TFDP2: variants seen among roughly 807,000 people sequenced by gnomAD.
TFDP2 encodes the protein transcription factor Dp-2, also known as transcription factor Dp-2 (E2F dimerization partner 2).
TFDP2 carries 17 observed loss-of-function variants against 59.3 expected under a neutral mutation model. The observed-to-expected ratio is 0.29, with a 90% CI of 0.20 to 0.43. TFDP2 has a LOEUF of 0.43. Ranked by LOEUF, TFDP2 falls within the 20% of genes least tolerant of loss-of-function variation. The probability of loss-of-function intolerance (pLI) is 1.00; values close to 1 mark genes in which losing one functional copy is unlikely to be tolerated. For synonymous variants in TFDP2, 180 were observed against 194.7 expected (o/e 0.92, Z 0.63); for missense variants, 391 against 528.8 (o/e 0.74, Z 2.56).
intron 3 of TFDP2, among the ~76,000 whole-genome samples, chr3:142,015,003 A>G (rs1246991674): frequency 2.0e-5 from 3 of 151,970 alleles, no homozygotes; most frequent in Non-Finnish European, 4.4e-5. Flanking sequence ...TTGGCCTTCA[A>G]TTTACTTTAA....
intron 2 of TFDP2, among the ~76,000 whole-genome samples, chr3:142,101,123 TCTTTAC>T (rs1481381395): frequency 1.3e-5 from 2 of 152,154 alleles, no homozygotes; most frequent in African/African-American, 4.8e-5. Flanking sequence ...AAGGCACAAT[TCTTTAC>T]CATAACTGGA....
In TFDP2 at chr3:141,952,002, C is replaced by G. The variant is rs907753563; in HGVS notation, c.*511G>C. The stretch of plus-strand genomic sequence containing the variant: ...CTAGTTCAGCAGTTCAATCTGTGCC[C>G]CTCAGCCACAGGACTGCCCTCAGTA... On this transcript the variant is annotated 3_prime_UTR_variant, in exon 13 of 13. Transcript: ENST00000489671. 15 of 152,878 alleles carry G rather than the reference C, an allele frequency of 9.8e-5. No homozygotes were observed. The highest frequency in any genetic ancestry group is 3.6e-4 in the African/African-American group (15 of 41,574). 9.5% of individuals were successfully genotyped at this position (152,878 alleles called of 1,614,324 possible).
chr3:141,956,238 T>C (rs1225620235), intron 11 of TFDP2, among the ~76,000 whole-genome samples: 1 of 152,208 alleles, frequency 6.6e-6, no homozygotes. Context: ...TTTTCAAGTA[T>C]ACTCAGTATA....
chr3:141,959,762 C>A lies in TFDP2; in HGVS notation c.963G>T (p.Ser321=). ...DIEVLKRMGM[S]FGLESGKCSL... ...AGCATTTGCCTGACTCCAGGCCAAA[C>A]GACATTCCCATCCGCTTTAGTACTT... The change falls in exon 11 of 13, where the codon TCG becomes TCT. Residue 321 remains serine (S), a synonymous_variant. Transcript: ENST00000489671. 6.2e-7 allele frequency: 1 copy of A among 1,614,108 alleles called. No individual in the cohort carries two copies. Among genetic ancestry groups the A allele is most frequent in the Non-Finnish European group, 8.5e-7 (1 of 1,180,002 alleles).
At chr3:142,069,805 C>G (rs904302059) in intron 3 of TFDP2, among the ~76,000 whole-genome samples, 3 of 151,634 alleles carry the variant, frequency 2.0e-5, no homozygotes, top group African/African-American at 7.3e-5. Flanking sequence ...GACGGGGTTT[C>G]ACCATGTTGG....
intron 6 of TFDP2, among the ~76,000 whole-genome samples, chr3:141,979,742 C>CA (rs1431631812): frequency 1.3e-5 from 2 of 152,118 alleles, no homozygotes; most frequent in Non-Finnish European, 2.9e-5. Flanking sequence ...GTGTGCACCA[C>CA]CACACCTGGC....
chr3:142,002,599 TAAGAA>T (rs1943886675), intron 4 of TFDP2, among the ~76,000 whole-genome samples: 1 of 152,172 alleles, frequency 6.6e-6, no homozygotes, highest in Admixed American at 6.5e-5. Flanking sequence ...AGGTAATCTC[TAAGAA>T]AAGTGAGGCT....
intron 3 of TFDP2, among the ~76,000 whole-genome samples, chr3:142,066,965 T>C (rs1243817345): frequency 6.6e-6 from 1 of 152,078 alleles, no homozygotes; most frequent in African/African-American, 2.4e-5. Flanking sequence ...CATTCATGTA[T>C]AAAATTCCCA....
intron 3 of TFDP2, among the ~76,000 whole-genome samples, chr3:142,039,530 G>C (rs1473809885): frequency 6.6e-6 from 1 of 152,174 alleles, no homozygotes; most frequent in Non-Finnish European, 1.5e-5. Flanking sequence ...TGCTGGGGGA[G>C]AGGTAGAAGC....
intron 6 of TFDP2, among the ~76,000 whole-genome samples, chr3:141,992,623 T>G (rs895944034): frequency 6.6e-6 from 1 of 152,220 alleles, no homozygotes; most frequent in Non-Finnish European, 1.5e-5. Flanking sequence ...ATTTCTATGA[T>G]ACAGCAGCTC....
chr3:142,041,755 G>T (rs1165278936), intron 3 of TFDP2, among the ~76,000 whole-genome samples: 1 of 152,066 alleles, frequency 6.6e-6, no homozygotes, highest in Non-Finnish European at 1.5e-5. Context: ...CAAACCCAAG[G>T]TTACACAGAT....
chr3:142,076,018 C>G lies in TFDP2; in HGVS notation c.82+17043G>C, dbSNP rs1024419163. On this transcript the variant is annotated intron_variant, in intron 3 of 12. Transcript: ENST00000489671. ...CTGAGGTCAGGAGTTTGAGACCAGC[C>G]TGGCCAACATGGTGAAACCCTGTCT... 6.1e-4 allele frequency among the ~76,000 whole-genome samples: 92 copies of G among 151,532 alleles called. 1 individual carries two copies. Among genetic ancestry groups the G allele is most frequent in the Non-Finnish European group, 1.3e-4 (9 of 67,932 alleles).
At chr3:142,065,386 G>A (rs951071478) in intron 3 of TFDP2, among the ~76,000 whole-genome samples, 2 of 151,704 alleles carry the variant, frequency 1.3e-5, no homozygotes, top group African/African-American at 4.8e-5. Flanking sequence ...AAAGTCCTGA[G>A]CTCCAGTGAT....
At position 141,963,854 on chromosome 3, in the gene TFDP2, G is replaced by A; in HGVS notation, c.842C>T (p.Thr281Ile). Residue 281 changes from threonine (T) to isoleucine (I), a missense_variant, in exon 10 of 13, where the codon ACA (threonine) becomes ATA (isoleucine). Around this residue, in one of 3 missense-constraint regions of TFDP2, gnomAD observed 223 missense variants for 292.5 expected, o/e 0.76. Coordinates refer to ENST00000489671, the MANE Select transcript of TFDP2 (RefSeq NM_001178139.2). ...GCAATCTATGACTGTTTTTCTGCTT[G>A]TATTGATGATTATGAATGGCAGCTG... ...TIQLPFIIIN[T>I]SRKTVIDCSI... 6.2e-7 allele frequency: 1 copy of A among 1,613,644 alleles called. No individual in the cohort carries two copies. Among genetic ancestry groups the A allele is most frequent in the Non-Finnish European group, 8.5e-7 (1 of 1,179,960 alleles).
chr3:142,073,309 T>C (rs1023913421), intron 3 of TFDP2, among the ~76,000 whole-genome samples: 18 of 152,202 alleles, frequency 1.2e-4, no homozygotes, highest in African/African-American at 4.3e-4. Flanking sequence ...CTACTGATAG[T>C]AGGAGAAACT....
chr3:141,968,529 GATAT>G lies in TFDP2; in HGVS notation c.732+1540_732+1543del, dbSNP rs1259567065. On this transcript the variant is annotated intron_variant, in intron 9 of 12. Coordinates refer to ENST00000489671, the MANE Select transcript of TFDP2 (RefSeq NM_001178139.2). Reference sequence around the variant, plus strand: ...ATAACATATATATCTCATATATATAGATATATATAACATATATATATCTCATATA... The same window carrying G: ...ATAACATATATATCTCATATATATAGATATAACATATATATATCTCATATA... Among the ~76,000 whole-genome samples, 48 of 85,698 alleles carry G rather than the reference GATAT, an allele frequency of 5.6e-4. 1 individual carries two copies. Among genetic ancestry groups the G allele is most frequent in the Non-Finnish European group, 7.1e-4 (35 of 49,214 alleles). The allele number at this position is 85,698 out of a possible 152,430, so 56.2% of individuals were successfully genotyped here.
At chr3:141,963,175 G>A (rs1937546166) in intron 10 of TFDP2, among the ~76,000 whole-genome samples, 1 of 152,042 alleles carries the variant, frequency 6.6e-6, no homozygotes, top group Non-Finnish European at 1.5e-5. Context: ...GAAGACCACT[G>A]AGAGAAACTT....
At chr3:142,111,523 T>C (rs1464508011) in intron 1 of TFDP2, among the ~76,000 whole-genome samples, 1 of 150,870 alleles carries the variant, frequency 6.6e-6, no homozygotes, top group Non-Finnish European at 1.5e-5. Flanking sequence ...AGAAGTCAAG[T>C]TTGAGCTGAG....
intron 1 of TFDP2, among the ~76,000 whole-genome samples, chr3:142,141,186 G>C (rs1178477778): frequency 6.6e-6 from 1 of 152,242 alleles, no homozygotes. Context: ...AGGCACGGGA[G>C]AGAATCTCCT....
Sources: gnomAD v4.1 joint callset for allele counts (sites outside exome capture counted in the v4.1 genomes callset) on GRCh38, gnomAD v4.1.1 for gene constraint, gnomAD v4.1.1 regional missense constraint, MANE v1.5 for transcripts, NCBI Gene and HGNC (gene_info 2026-07-23, HGNC 2026-07-21) for gene names.